Variants in SIRPB1 observed in about 807,000 individuals in gnomAD.
SIRPB1 encodes the protein signal regulatory protein beta 1, also known as signal-regulatory protein beta-1.
Under a neutral mutation model 34.1 loss-of-function variants are expected in SIRPB1, and 28 were observed. The observed-to-expected ratio is 0.82, with a 90% CI of 0.61 to 1.12. SIRPB1 has a LOEUF of 1.12. Among genes scored for constraint, SIRPB1 ranks in the 50% most tolerant of loss-of-function variants. SIRPB1 has a pLI of 0.00. For missense variants in SIRPB1, 499 were observed against 507.0 expected, an observed-to-expected ratio of 0.98 and a Z score of 0.15; for synonymous variants, 211 against 203.8, an observed-to-expected ratio of 1.04 and a Z score of -0.30.
chr20:1,570,987 A>G lies in SIRPB1; in HGVS notation c.902T>C (p.Leu301Pro). 1.9e-6 allele frequency: 3 copies of G among 1,614,126 alleles called. No individual in the cohort carries two copies. Among genetic ancestry groups the G allele is most frequent in the Non-Finnish European group, 1.7e-6 (2 of 1,180,008 alleles). Reference protein sequence around the residue: ...NVSRTETASTLIENKDGTYNW... With the variant: ...NVSRTETASTPIENKDGTYNW... ...GTAGGTGCCATCCTTGTTCTCTATG[A>G]GGGTCGAAGCTGTTTCTGTCCGGGA... The change falls in exon 4 of 6, where the codon CTC (leucine) becomes CCC (proline). Residue 301 changes from leucine (L) to proline (P), a missense_variant. Physicochemically the swap from Leu to Pro is moderately conservative, Grantham distance 98. Coordinates refer to ENST00000381605, the MANE Select transcript of SIRPB1 (RefSeq NM_006065.5).
chr20:1,569,623 G>A (rs1181798857), intron 4 of SIRPB1, among the ~76,000 whole-genome samples: 1 of 152,258 alleles, frequency 6.6e-6, no homozygotes, highest in African/African-American at 2.4e-5. Flanking sequence ...AGGAGATGAC[G>A]CAAACATCAT....
At chr20:1,617,410 T>C (rs939926565) in intron 1 of SIRPB1, among the ~76,000 whole-genome samples, 3 of 152,174 alleles carry the variant, frequency 2.0e-5, no homozygotes, top group African/African-American at 7.2e-5. Flanking sequence ...TGGAAGATAT[T>C]ATGCTAAGTA....
At chr20:1,571,361 T>C (rs1298554127) in intron 3 of SIRPB1, among the ~76,000 whole-genome samples, 1 of 152,206 alleles carries the variant, frequency 6.6e-6, no homozygotes, top group Non-Finnish European at 1.5e-5. Context: ...GCTGCTAGGC[T>C]AAGGATGAGT....
chr20:1,565,193 T>C lies in SIRPB1; in HGVS notation c.*307A>G, dbSNP rs2091111385. 3 of 396,974 alleles carry C rather than the reference T, an allele frequency of 7.6e-6. No homozygotes were observed. The highest frequency in any genetic ancestry group is 1.3e-5 in the Non-Finnish European group (3 of 225,688). The allele number at this position is 396,974 out of a possible 1,614,324, so 24.6% of individuals were successfully genotyped here. ...GAGCCTGGAGAGAGTCTGTGGTTTA[T>C]GGCCAGTCCCAAGGCGACGGATGGG... On this transcript the variant is annotated 3_prime_UTR_variant, in exon 6 of 6. Coordinates refer to ENST00000381605, the MANE Select transcript of SIRPB1 (RefSeq NM_006065.5).
At position 1,563,516 on chromosome 20, in the gene SIRPB1, C is replaced by A. The variant is rs6079606; in HGVS notation, c.*1984G>T. ...CTCAAAAAAATAAAAATAAAATAAA[C>A]AAATGAAAAGAAACAATGCTTGCTC... On this transcript the variant is annotated 3_prime_UTR_variant, in exon 6 of 6. Coordinates refer to ENST00000381605, the MANE Select transcript of SIRPB1 (RefSeq NM_006065.5). The A allele has an allele frequency of 0.42, 63,802 of 151,904 alleles. 15,182 individuals carry two copies. Among genetic ancestry groups the A allele is most frequent in the East Asian group, 0.78 (4,042 of 5,178 alleles). 9.4% of individuals were successfully genotyped at this position (151,904 alleles called of 1,614,324 possible). A position where few individuals can be genotyped will look rare whatever the true frequency, so the allele number is the denominator to read the frequency against.
In SIRPB1 at chr20:1,602,582, ATG is replaced by A. The variant is rs199675626; in HGVS notation, c.76+17285_76+17286del. Among the ~76,000 whole-genome samples the A allele has an allele frequency of 5.0e-4, 25 of 49,546 alleles. 11 individuals carry two copies. The East Asian group carries it at 0.013, about 26-fold the overall frequency. The allele number at this position is 49,546 out of a possible 152,430, so 32.5% of individuals were successfully genotyped here. A position where few individuals can be genotyped will look rare whatever the true frequency, so the allele number is the denominator to read the frequency against. On this transcript the variant is annotated intron_variant, in intron 1 of 5. Coordinates refer to ENST00000381605, the MANE Select transcript of SIRPB1 (RefSeq NM_006065.5). ...TTGAATGTATGCTCCATTTTAGGTG[ATG>A]TGAGATAATTATTTTAACAATTTTA...
At chr20:1,580,077 C>T (rs1478468738) in intron 1 of SIRPB1, among the ~76,000 whole-genome samples, 4 of 148,440 alleles carry the variant, frequency 2.7e-5, no homozygotes, top group East Asian at 1.9e-4. Context: ...CATTTCACTA[C>T]GTATATGTAC....
rs142747130 is a variant in SIRPB1 at position 1,577,281 on chromosome 20, G to T, written c.433+1057C>A. On this transcript the variant is annotated intron_variant, in intron 2 of 5. Transcript: ENST00000381605. ...TCTATGGAGACAGCGTCTAATGCTGGGGAAGGAAGGAGACTGCCACGATTC... is the reference window on the plus strand; with the variant it reads ...TCTATGGAGACAGCGTCTAATGCTGTGGAAGGAAGGAGACTGCCACGATTC... Among the ~76,000 whole-genome samples the T allele has an allele frequency of 7.9e-3, 1,176 of 147,992 alleles. 70 individuals are homozygous for T. The highest frequency in any genetic ancestry group is 0.027 in the African/African-American group (1,099 of 40,832).
rs768377286 is a variant in SIRPB1, at chr20:1,588,578, G to A, written c.77-9884C>T. On this transcript the variant is annotated intron_variant, in intron 1 of 5. Transcript: ENST00000381605. Reference sequence around the variant, plus strand: ...TGCTTACCTGTGAGTCCCAGCAATAGAGTCAGCAGCAGGAAAGGACAAGGA... The same window carrying A: ...TGCTTACCTGTGAGTCCCAGCAATAAAGTCAGCAGCAGGAAAGGACAAGGA... The A allele has an allele frequency of 6.5e-5, 39 of 598,922 alleles. 16 individuals are homozygous for A. Among genetic ancestry groups the A allele is most frequent in the Non-Finnish European group, 4.9e-5 (22 of 451,430 alleles). 37.1% of individuals were successfully genotyped at this position (598,922 alleles called of 1,614,324 possible).
At chr20:1,567,674 AAC>A (rs2091160410) in intron 4 of SIRPB1, among the ~76,000 whole-genome samples, 1 of 152,208 alleles carries the variant, frequency 6.6e-6, no homozygotes, top group African/African-American at 2.4e-5. Context: ...TGCGATTGAT[AAC>A]ACTTTCACTG....
chr20:1,617,928 T>TACATATGTATACAC (rs925602554), intron 1 of SIRPB1, among the ~76,000 whole-genome samples: 1 of 152,172 alleles, frequency 6.6e-6, no homozygotes, highest in African/African-American at 2.4e-5. Context: ...TACATGCATA[T>TACATATGTATACAC]ACATATGTAT....
In SIRPB1 at chr20:1,600,256, G is replaced by C. The variant is rs1162720217; in HGVS notation, c.76+19613C>G. Among the ~76,000 whole-genome samples the C allele has an allele frequency of 1.2e-4, 6 of 49,934 alleles. 3 individuals carry two copies. The highest frequency in any genetic ancestry group is 2.3e-4 in the Non-Finnish European group (6 of 25,644). 32.8% of individuals were successfully genotyped at this position (49,934 alleles called of 152,430 possible). ...TCTGTTGGACACACAGTCAGATCTG[G>C]GGAAGCACACATTTGGATTCTTTGC... On this transcript the variant is annotated intron_variant, in intron 1 of 5. Transcript: ENST00000381605.
rs1206548827 is a variant in SIRPB1, at chr20:1,591,356, G to A, written c.77-12662C>T. 20 of 49,026 alleles carry A rather than the reference G, an allele frequency of 4.1e-4. 7 individuals carry two copies. The highest frequency in any genetic ancestry group is 2.7e-3 in the Admixed American group (20 of 7,394). The allele number at this position is 49,026 out of a possible 1,614,324, so 3.0% of individuals were successfully genotyped here. Reference sequence around the variant, plus strand: ...TTCCCAGAAACAGCTGAGGAGCTGAGCACTTGCAGAGAGGGTGGTGGTGCC... The same window carrying A: ...TTCCCAGAAACAGCTGAGGAGCTGAACACTTGCAGAGAGGGTGGTGGTGCC... On this transcript the variant is annotated intron_variant, in intron 1 of 5. Coordinates refer to ENST00000381605, the MANE Select transcript of SIRPB1 (RefSeq NM_006065.5).
In SIRPB1 at chr20:1,589,308, T is replaced by G. The variant is rs2091435054; in HGVS notation, c.77-10614A>C. Among the ~76,000 whole-genome samples, 2 of 48,578 alleles carry G rather than the reference T, an allele frequency of 4.1e-5. 1 individual carries two copies. Among genetic ancestry groups the G allele is most frequent in the Admixed American group, 2.8e-4 (2 of 7,192 alleles). 31.9% of individuals were successfully genotyped at this position (48,578 alleles called of 152,430 possible). ...GTTTTAGTTTAGTAAGGATCTGTTT[T>G]GTCGGGTGAAGTGAGGATCATGGGT... On this transcript the variant is annotated intron_variant, in intron 1 of 5. Coordinates refer to ENST00000381605, the MANE Select transcript of SIRPB1 (RefSeq NM_006065.5).
Position 1,564,355 on chromosome 20 carries a change from G to C in SIRPB1, c.*1145C>G, listed in dbSNP as rs2091101310. On this transcript the variant is annotated 3_prime_UTR_variant, in exon 6 of 6. Coordinates refer to ENST00000381605, the MANE Select transcript of SIRPB1 (RefSeq NM_006065.5). Reference sequence around the variant, plus strand: ...TAAGAGAAATTAGAATGCCGGGATAGAGAAAATAAATAATATTTTATACAA... The same window carrying C: ...TAAGAGAAATTAGAATGCCGGGATACAGAAAATAAATAATATTTTATACAA... 6.6e-6 allele frequency: 1 copy of C among 152,206 alleles called. No individual in the cohort carries two copies. Among genetic ancestry groups the C allele is most frequent in the Non-Finnish European group, 1.5e-5 (1 of 68,042 alleles). The allele number at this position is 152,206 out of a possible 1,614,324, so 9.4% of individuals were successfully genotyped here.
rs1231723031 is a variant in SIRPB1, at chr20:1,597,442, AG to A, written c.77-18749del. The A allele has an allele frequency of 1.2e-4, 6 of 48,976 alleles. 3 individuals are homozygous for A. Among genetic ancestry groups the A allele is most frequent in the Non-Finnish European group, 2.4e-4 (6 of 25,450 alleles). The allele number at this position is 48,976 out of a possible 1,614,324, so 3.0% of individuals were successfully genotyped here. A position where few individuals can be genotyped will look rare whatever the true frequency, so the allele number is the denominator to read the frequency against. On this transcript the variant is annotated intron_variant, in intron 1 of 5. Transcript: ENST00000381605. Reference sequence around the variant, plus strand: ...AGGGCCTCAGAGTGCTTCTGCTCACAGTGGACAGTGAAGTGGAGTTGGCATA... The same window carrying A: ...AGGGCCTCAGAGTGCTTCTGCTCACATGGACAGTGAAGTGGAGTTGGCATA...
intron 1 of SIRPB1, among the ~76,000 whole-genome samples, chr20:1,619,638 G>T (rs1568714100): frequency 6.6e-6 from 1 of 152,208 alleles, no homozygotes; most frequent in East Asian, 1.9e-4. Flanking sequence ...TTATCAAAAT[G>T]TAAGTAATTG....
rs1305441562 is a variant in SIRPB1 at position 1,583,877 on chromosome 20, A to ACTG, written c.77-5184_77-5183insCAG. 3.5e-3 allele frequency among the ~76,000 whole-genome samples: 153 copies of ACTG among 44,238 alleles called. 69 individuals are homozygous for ACTG. The highest frequency in any genetic ancestry group is 5.8e-3 in the Non-Finnish European group (140 of 24,066). The allele number at this position is 44,238 out of a possible 152,430, so 29.0% of individuals were successfully genotyped here. Reference sequence around the variant, plus strand: ...TACTACTACTACTACTACTACTACTACTACTACTACTACTACTGCTGCTGC... The same window carrying ACTG: ...TACTACTACTACTACTACTACTACTACTGCTACTACTACTACTACTGCTGCTGC... On this transcript the variant is annotated intron_variant, in intron 1 of 5. Transcript: ENST00000381605.
At chr20:1,591,519 T>G (rs2091441573) in intron 1 of SIRPB1, 1 of 49,044 alleles carries the variant, frequency 2.0e-5, no homozygotes, top group Non-Finnish European at 3.9e-5. Context: ...CTTTAATTAT[T>G]TCAAGTCAGT....
Sources: allele counts gnomAD v4.1 joint callset (sites outside exome capture counted in the v4.1 genomes callset), GRCh38; gene constraint gnomAD v4.1.1; transcripts MANE v1.5; gene names NCBI Gene and HGNC (gene_info 2026-07-23, HGNC 2026-07-21).